Variants in CTIF observed in about 807,000 individuals in gnomAD.
CTIF encodes the protein cap binding complex dependent translation initiation factor, also known as CBP80/20-dependent translation initiation factor.
CTIF carries 21 observed loss-of-function variants against 66.0 expected under a neutral mutation model. The observed-to-expected ratio is 0.32, with a 90% confidence interval of 0.23 to 0.46. The LOEUF (loss-of-function observed/expected upper bound fraction) is 0.46. CTIF is among the 20% of genes least tolerant of loss of function. The probability of loss-of-function intolerance (pLI) is 1.00; values close to 1 mark genes in which losing one functional copy is unlikely to be tolerated. For missense variants in CTIF, 739 were observed against 812.7 expected (o/e 0.91, Z 1.10); for synonymous variants, 345 against 326.4 (o/e 1.06, Z -0.62).
At chr18:48,822,631 T>TG (rs1568246700) in intron 10 of CTIF, among the ~76,000 whole-genome samples, 2 of 152,094 alleles carry the variant, frequency 1.3e-5, no homozygotes, top group South Asian at 2.1e-4. Flanking sequence ...ATGAGAGTGC[T>TG]ATATCTCTTC....
chr18:48,559,694 T>C (rs2089107962), intron 1 of CTIF, among the ~76,000 whole-genome samples: 1 of 152,170 alleles, frequency 6.6e-6, no homozygotes, highest in East Asian at 1.9e-4. Flanking sequence ...TTCTTCTCCA[T>C]GCAGGTTTCT....
chr18:48,600,609 A>G (rs777133653), intron 1 of CTIF, among the ~76,000 whole-genome samples: 3 of 151,776 alleles, frequency 2.0e-5, no homozygotes, highest in Non-Finnish European at 4.4e-5. Flanking sequence ...AGTCAAGGAC[A>G]GAGCCAGAGC....
intron 7 of CTIF, among the ~76,000 whole-genome samples, chr18:48,721,669 C>T (rs912518272): frequency 1.3e-5 from 2 of 152,170 alleles, no homozygotes; most frequent in African/African-American, 4.8e-5. Context: ...ACAGGGATGC[C>T]ATTAGATGCC....
chr18:48,781,609 C>T (rs952590864), intron 9 of CTIF, among the ~76,000 whole-genome samples: 16 of 152,098 alleles, frequency 1.1e-4, no homozygotes, highest in African/African-American at 3.9e-4. Flanking sequence ...TGAAAGTGAC[C>T]TATGGAGCCA....
chr18:48,834,412 A>G (rs1046994245), intron 10 of CTIF, among the ~76,000 whole-genome samples: 2 of 152,244 alleles, frequency 1.3e-5, no homozygotes, highest in Non-Finnish European at 2.9e-5. Context: ...TTCTTAGCTC[A>G]TGGGCCATAA....
At chr18:48,717,738 T>G (rs201527459) in intron 7 of CTIF, among the ~76,000 whole-genome samples, 1 of 152,176 alleles carries the variant, frequency 6.6e-6, no homozygotes, top group East Asian at 1.9e-4. Context: ...CTTCAAAATT[T>G]TTTTTAGCAA....
chr18:48,734,160 C>G (rs765532511), intron 7 of CTIF, among the ~76,000 whole-genome samples: 1 of 152,156 alleles, frequency 6.6e-6, no homozygotes, highest in Non-Finnish European at 1.5e-5. Flanking sequence ...AAAGAGACCT[C>G]GAGTCCCCAC....
chr18:48,690,468 G>C (rs1568138811), intron 6 of CTIF, among the ~76,000 whole-genome samples: 1 of 152,038 alleles, frequency 6.6e-6, no homozygotes, highest in Non-Finnish European at 1.5e-5. Context: ...TCCCAATCCA[G>C]CCCCTGCATT....
chr18:48,549,764 T>C (rs2088839616), intron 1 of CTIF, among the ~76,000 whole-genome samples: 1 of 152,156 alleles, frequency 6.6e-6, no homozygotes, highest in African/African-American at 2.4e-5. Context: ...ATGCCTCCGC[T>C]CCAGTGGAGG....
intron 9 of CTIF, among the ~76,000 whole-genome samples, chr18:48,793,235 G>A (rs1168109483): frequency 6.6e-6 from 1 of 152,204 alleles, no homozygotes; most frequent in Non-Finnish European, 1.5e-5. Context: ...TATAAATCAG[G>A]AGGCTCCTGC....
At position 48,763,906 on chromosome 18, in the gene CTIF, A is replaced by C. The variant is rs531261309; in HGVS notation, c.1371+2217A>C. ...CCCACTCACCCCATATAGTGGCTCCATAGTAGGTCTGTCATGAGTGATGCA... is the reference window on the plus strand; with the variant it reads ...CCCACTCACCCCATATAGTGGCTCCCTAGTAGGTCTGTCATGAGTGATGCA... On this transcript the variant is annotated intron_variant, in intron 9 of 11. Coordinates refer to ENST00000256413, the MANE Select transcript of CTIF (RefSeq NM_014772.3). Among the ~76,000 whole-genome samples the C allele has an allele frequency of 2.2e-4, 34 of 152,172 alleles. 1 individual carries two copies. The South Asian group carries it at 6.9e-3, about 31-fold the overall frequency.
At chr18:48,623,881 C>A (rs556871717) in intron 2 of CTIF, among the ~76,000 whole-genome samples, 329 of 129,994 alleles carry the variant, frequency 2.5e-3, no homozygotes, top group African/African-American at 0.01. Flanking sequence ...GGATGGCTGG[C>A]TGGCTGGATG....
chr18:48,586,038 G>T (rs912986718), intron 1 of CTIF, among the ~76,000 whole-genome samples: 2 of 152,158 alleles, frequency 1.3e-5, no homozygotes, highest in Non-Finnish European at 2.9e-5. Context: ...ATGCGATGAG[G>T]ATGCCTGTCG....
At chr18:48,564,344 G>A (rs903531909) in intron 1 of CTIF, among the ~76,000 whole-genome samples, 1 of 152,066 alleles carries the variant, frequency 6.6e-6, no homozygotes, top group African/African-American at 2.4e-5. Flanking sequence ...CCTTGCTGGG[G>A]AAGGGTAGAT....
At chr18:48,770,275 T>C (rs1204499714) in intron 9 of CTIF, among the ~76,000 whole-genome samples, 1 of 152,230 alleles carries the variant, frequency 6.6e-6, no homozygotes, top group Non-Finnish European at 1.5e-5. Context: ...GTGAGCTTCC[T>C]GCAAAACCAA....
intron 1 of CTIF, among the ~76,000 whole-genome samples, chr18:48,605,080 A>G (rs1296804333): frequency 6.6e-6 from 1 of 152,206 alleles, no homozygotes; most frequent in Admixed American, 6.5e-5. Context: ...AATGGTACTA[A>G]AAACATTTGT....
chr18:48,568,683 TCACAGTTC>T (rs2143606768), intron 1 of CTIF, among the ~76,000 whole-genome samples: 1 of 78,898 alleles, frequency 1.3e-5, no homozygotes, highest in South Asian at 4.6e-4. Context: ...TTTAATGGAC[TCACAGTTC>T]CACATGTCTG....
intron 9 of CTIF, among the ~76,000 whole-genome samples, chr18:48,793,257 A>T (rs2146150518): frequency 6.6e-6 from 1 of 152,328 alleles, no homozygotes; most frequent in Admixed American, 6.5e-5. Context: ...AGGGAGAAGC[A>T]GGGAGGGGCA....
intron 9 of CTIF, among the ~76,000 whole-genome samples, chr18:48,767,540 T>A (rs146891345): frequency 2.6e-5 from 4 of 152,228 alleles, no homozygotes; most frequent in Admixed American, 6.5e-5. Context: ...CATCAGTGTG[T>A]CTGTAACTGA....
Sources: gnomAD v4.1 joint callset for allele counts (sites outside exome capture counted in the v4.1 genomes callset) on GRCh38, gnomAD v4.1.1 for gene constraint, MANE v1.5 for transcripts, NCBI Gene and HGNC (gene_info 2026-07-23, HGNC 2026-07-21) for gene names.